The following AKAP6 variants were observed in gnomAD, a reference collection of about 807,000 sequenced individuals.
AKAP6 encodes the protein A-kinase anchor protein 6.
In AKAP6, 58 loss-of-function variants were observed where a neutral mutation model predicts 188.5. The observed-to-expected ratio is 0.31, with a 90% CI of 0.25 to 0.38. The LOEUF (loss-of-function observed/expected upper bound fraction) is 0.38, where lower values mean the gene tolerates loss of function less well. Among genes scored for constraint, AKAP6 ranks in the 10% least tolerant of loss-of-function variants. AKAP6 has a pLI of 1.00. For missense variants in AKAP6, 2,710 were observed against 2,740.0 expected (o/e 0.99, Z 0.24); for synonymous variants, 989 against 998.6 (o/e 0.99, Z 0.18).
intron 1 of AKAP6, among the ~76,000 whole-genome samples, chr14:32,399,801 C>T (rs1187998823): frequency 6.6e-6 from 1 of 152,086 alleles, no homozygotes; most frequent in Non-Finnish European, 1.5e-5. Context: ...CCCTTTTAGA[C>T]TTATAATAAT....
intron 12 of AKAP6, among the ~76,000 whole-genome samples, chr14:32,780,155 A>AAAAATATATATATATATATATAT (rs1555361856): frequency 1.1e-5 from 1 of 91,444 alleles, no homozygotes; most frequent in Admixed American, 1.0e-4. Context: ...TGAAAAAAAA[A>AAAAATATATATATATATATATAT]ACATATATAT....
At chr14:32,707,885 G>A (rs2139739313) in intron 9 of AKAP6, among the ~76,000 whole-genome samples, 1 of 152,076 alleles carries the variant, frequency 6.6e-6, no homozygotes, top group Non-Finnish European at 1.5e-5. Flanking sequence ...ACTCAGGCTT[G>A]GCCAGGTTGA....
Position 32,659,525 on chromosome 14 carries a change from ATAAT to A in AKAP6, c.2731-18778_2731-18775del, listed in dbSNP as rs1308467961. Among the ~76,000 whole-genome samples the A allele has an allele frequency of 3.9e-5, 6 of 152,090 alleles. No individual in the cohort carries two copies. In the East Asian group the frequency reaches 7.7e-4, roughly 20 times the overall value. On this transcript the variant is annotated intron_variant, in intron 7 of 13. Coordinates refer to ENST00000280979, the MANE Select transcript of AKAP6 (RefSeq NM_004274.5). ...ACGTGGTGACAGCTCAAATCTTAAA[ATAAT>A]TAATTAAAAATATAGATTACTGGAG...
intron 2 of AKAP6, among the ~76,000 whole-genome samples, chr14:32,483,005 A>ATGTGTGTG (rs1435446426): frequency 0.017 from 1,942 of 111,136 alleles, 47 homozygotes; most frequent in African/African-American, 0.047. Flanking sequence ...ATATATATAT[A>ATGTGTGTG]TATATATGTA....
intron 4 of AKAP6, among the ~76,000 whole-genome samples, chr14:32,553,431 C>T (rs1219515078): frequency 3.3e-5 from 5 of 152,092 alleles, no homozygotes; most frequent in Non-Finnish European, 5.9e-5. Context: ...CTTGGCCTCC[C>T]GAAGTGCTGT....
intron 2 of AKAP6, among the ~76,000 whole-genome samples, chr14:32,526,342 C>T (rs1158993744): frequency 6.6e-6 from 1 of 152,318 alleles, no homozygotes; most frequent in Non-Finnish European, 1.5e-5. Context: ...AAGTGATCCT[C>T]CTGCTTCAGC....
chr14:32,460,559 C>T (rs748256020), intron 2 of AKAP6, among the ~76,000 whole-genome samples: 7 of 152,200 alleles, frequency 4.6e-5, no homozygotes, highest in East Asian at 1.9e-4. Context: ...GCTTTTCCCA[C>T]GGTGTTTGTA....
intron 7 of AKAP6, among the ~76,000 whole-genome samples, chr14:32,627,662 A>T (rs995875733): frequency 6.6e-6 from 1 of 152,124 alleles, no homozygotes; most frequent in African/African-American, 2.4e-5. Context: ...GTTTCCAGGA[A>T]AGGAAAACAG....
At chr14:32,752,602 A>G (rs1405033201) in intron 11 of AKAP6, among the ~76,000 whole-genome samples, 1 of 152,120 alleles carries the variant, frequency 6.6e-6, no homozygotes, top group African/African-American at 2.4e-5. Flanking sequence ...TAGCATATCC[A>G]TCACCTCATA....
chr14:32,695,141 A>C (rs1392122772), intron 8 of AKAP6, among the ~76,000 whole-genome samples: 1 of 152,232 alleles, frequency 6.6e-6, no homozygotes, highest in African/African-American at 2.4e-5. Flanking sequence ...GTTGAAAACC[A>C]TAGTGATCCT....
chr14:32,611,779 A>G (rs760011618), intron 7 of AKAP6, among the ~76,000 whole-genome samples: 7 of 152,170 alleles, frequency 4.6e-5, no homozygotes, highest in Non-Finnish European at 1.0e-4. Flanking sequence ...TAGCATGTTT[A>G]TAGACTGAAG....
intron 7 of AKAP6, among the ~76,000 whole-genome samples, chr14:32,658,415 C>T (rs954521510): frequency 4.6e-5 from 7 of 152,154 alleles, no homozygotes; most frequent in Admixed American, 2.0e-4. Flanking sequence ...CAGAAGTGAT[C>T]ACTGTTTTGT....
intron 5 of AKAP6, among the ~76,000 whole-genome samples, chr14:32,578,187 A>G (rs1884813241): frequency 6.6e-6 from 1 of 152,100 alleles, no homozygotes; most frequent in Non-Finnish European, 1.5e-5. Context: ...GTTGTTCTCT[A>G]TGATGTTAAG....
intron 3 of AKAP6, among the ~76,000 whole-genome samples, chr14:32,536,808 G>C (rs12887077): frequency 1.3e-5 from 2 of 151,954 alleles, no homozygotes; most frequent in African/African-American, 2.4e-5. Context: ...AAGTGTTTTT[G>C]CTTGCTAAGC....
At chr14:32,802,689 C>A (rs948433071) in intron 12 of AKAP6, among the ~76,000 whole-genome samples, 1 of 152,158 alleles carries the variant, frequency 6.6e-6, no homozygotes, top group South Asian at 2.1e-4. Flanking sequence ...TAAAGATATT[C>A]ATCATGCTTT....
intron 1 of AKAP6, among the ~76,000 whole-genome samples, chr14:32,341,720 AT>A (rs1381533952): frequency 1.3e-5 from 2 of 152,178 alleles, no homozygotes; most frequent in African/African-American, 4.8e-5. Context: ...ATAATGTTTT[AT>A]TTTGTCTAAA....
intron 11 of AKAP6, 151 bp from the exon 12 acceptor site, chr14:32,773,527 A>T (rs2032959909): frequency 1.4e-6 from 1 of 730,664 alleles, no homozygotes; most frequent in Non-Finnish European, 2.3e-6. Flanking sequence ...GGAGGCCTCC[A>T]TTCTAAAAGG....
rs568607770 is a variant in AKAP6 at position 32,461,066 on chromosome 14, G to T, written c.324+27249G>T. ...CTCTGAAGGTAACAGCCCCAGTCAC[G>T]GGCTTACAGACAAAACCTCCATGTC... On this transcript the variant is annotated intron_variant, in intron 2 of 13. Coordinates refer to ENST00000280979, the MANE Select transcript of AKAP6 (RefSeq NM_004274.5). 8.5e-4 allele frequency among the ~76,000 whole-genome samples: 129 copies of T among 152,292 alleles called. 4 individuals are homozygous for T. The South Asian group carries it at 0.027, about 31-fold the overall frequency.
At chr14:32,503,168 C>A (rs1023543716) in intron 2 of AKAP6, among the ~76,000 whole-genome samples, 1 of 151,816 alleles carries the variant, frequency 6.6e-6, no homozygotes, top group Non-Finnish European at 1.5e-5. Flanking sequence ...AATTATATTT[C>A]TTTTACTGTG....
Sources: allele counts gnomAD v4.1 joint callset (sites outside exome capture counted in the v4.1 genomes callset), GRCh38; gene constraint gnomAD v4.1.1; transcripts MANE v1.5; gene names NCBI Gene and HGNC (gene_info 2026-07-23, HGNC 2026-07-21).